Variants in GATAD2B observed in about 807,000 individuals in gnomAD.
GATAD2B encodes the protein transcriptional repressor p66-beta.
GATAD2B carries 8 observed loss-of-function variants against 64.3 expected under a neutral mutation model. The observed-to-expected ratio is 0.12, with a 90% CI of 0.07 to 0.22. The LOEUF (loss-of-function observed/expected upper bound fraction) is 0.22. GATAD2B is among the 10% of genes least tolerant of loss of function. The probability of loss-of-function intolerance (pLI) is 1.00; values close to 1 mark genes in which losing one functional copy is unlikely to be tolerated. For synonymous variants in GATAD2B, 281 were observed against 271.3 expected (o/e 1.04, Z -0.35); for missense variants, 453 against 752.0 (o/e 0.60, Z 4.65).
At chr1:153,901,558 C>T (rs1321556644) in intron 1 of GATAD2B, among the ~76,000 whole-genome samples, 1 of 152,008 alleles carries the variant, frequency 6.6e-6, no homozygotes, top group Non-Finnish European at 1.5e-5. Context: ...CGCCCGATGG[C>T]TCACACCTGT....
At chr1:153,896,730 C>T (rs955448992) in intron 1 of GATAD2B, among the ~76,000 whole-genome samples, 3 of 152,034 alleles carry the variant, frequency 2.0e-5, no homozygotes, top group African/African-American at 4.8e-5. Flanking sequence ...GTCACTGTGC[C>T]CAACCATGAA....
At chr1:153,813,211 AACTGGGAC>A in intron 8 of GATAD2B, 31 bp downstream of exon 8, 1 of 1,560,306 alleles carries the variant, frequency 6.4e-7, no homozygotes, top group Non-Finnish European at 8.8e-7. Flanking sequence ...GGAAAAAACA[AACTGGGAC>A]AGGTGGCCAG....
chr1:153,892,182 A>AG (rs1557825561), intron 1 of GATAD2B, among the ~76,000 whole-genome samples: 6 of 151,144 alleles, frequency 4.0e-5, no homozygotes, highest in Non-Finnish European at 7.4e-5. Context: ...AAAAAAAAAA[A>AG]AAAGAAAAGA....
intron 1 of GATAD2B, among the ~76,000 whole-genome samples, chr1:153,901,500 G>T (rs1253856087): frequency 6.6e-6 from 1 of 152,114 alleles, no homozygotes; most frequent in East Asian, 1.9e-4. Flanking sequence ...ATACTTCCAT[G>T]AAAGTTAACT....
chr1:153,833,470 C>T (rs559175658), intron 1 of GATAD2B, among the ~76,000 whole-genome samples: 4 of 152,256 alleles, frequency 2.6e-5, no homozygotes, highest in South Asian at 4.1e-4. Flanking sequence ...CTAACACATC[C>T]ACTCTACAGA....
At chr1:153,854,900 C>T (rs994290754) in intron 1 of GATAD2B, among the ~76,000 whole-genome samples, 1 of 152,118 alleles carries the variant, frequency 6.6e-6, no homozygotes, top group Non-Finnish European at 1.5e-5. Context: ...TCTGACAAAT[C>T]TACAATGTGG....
At chr1:153,829,182 C>T (rs773444000) in intron 1 of GATAD2B, among the ~76,000 whole-genome samples, 68 of 151,938 alleles carry the variant, frequency 4.5e-4, no homozygotes, top group Middle Eastern at 6.8e-3. Flanking sequence ...CCAGCTAGGG[C>T]GATACAGCGA....
In GATAD2B at chr1:153,900,898, AT is replaced by A. The variant is rs879709381; in HGVS notation, c.-2+21834del. Among the ~76,000 whole-genome samples the A allele has an allele frequency of 7.2e-4, 109 of 152,120 alleles. 1 individual carries two copies. The highest frequency in any genetic ancestry group is 3.4e-3 in the Middle Eastern group (1 of 292). ...TCACATGTCACAAAATAATCTCTTGATTTTTTTTCAATCATTTAAAAATCAT... is the reference window on the plus strand; with the variant it reads ...TCACATGTCACAAAATAATCTCTTGATTTTTTTCAATCATTTAAAAATCAT... On this transcript the variant is annotated intron_variant, in intron 1 of 10. Coordinates refer to ENST00000368655, the MANE Select transcript of GATAD2B (RefSeq NM_020699.4).
intron 4 of GATAD2B, 73 bp downstream of exon 4, chr1:153,818,718 T>C: frequency 1.4e-6 from 2 of 1,414,734 alleles, no homozygotes; most frequent in South Asian, 1.2e-5. Context: ...CAACTGAACC[T>C]ACCTGGGGGA....
At chr1:153,813,146 TG>T in intron 8 of GATAD2B, 103 bp downstream of exon 8, 1 of 798,940 alleles carries the variant, frequency 1.3e-6, no homozygotes, top group Non-Finnish European at 2.2e-6. Flanking sequence ...AGGGAACCTG[TG>T]GACCTGTAGG....
At chr1:153,882,413 ATT>A (rs1326758689) in intron 1 of GATAD2B, among the ~76,000 whole-genome samples, 1 of 152,052 alleles carries the variant, frequency 6.6e-6, no homozygotes, top group African/African-American at 2.4e-5. Flanking sequence ...GTATTCACTA[ATT>A]TTTCTTTTTT....
chr1:153,857,999 G>C (rs754270116), intron 1 of GATAD2B, among the ~76,000 whole-genome samples: 26 of 152,156 alleles, frequency 1.7e-4, no homozygotes, highest in African/African-American at 6.0e-4. Context: ...GGATAATATA[G>C]TAACTGGAGA....
chr1:153,878,169 T>A (rs1447234935), intron 1 of GATAD2B, among the ~76,000 whole-genome samples: 1 of 151,970 alleles, frequency 6.6e-6, no homozygotes, highest in Non-Finnish European at 1.5e-5. Flanking sequence ...AATCTTTTTT[T>A]TTTTTTCTTT....
intron 1 of GATAD2B, among the ~76,000 whole-genome samples, chr1:153,836,728 G>A (rs906445535): frequency 1.3e-5 from 2 of 152,064 alleles, no homozygotes; most frequent in African/African-American, 4.8e-5. Context: ...ATATACTACA[G>A]TATTCTAAGT....
At chr1:153,895,574 C>T (rs1364794547) in intron 1 of GATAD2B, among the ~76,000 whole-genome samples, 1 of 149,190 alleles carries the variant, frequency 6.7e-6, no homozygotes, top group Non-Finnish European at 1.5e-5. Flanking sequence ...AGTGAGACCC[C>T]GTCTCCCACA....
At chr1:153,829,399 C>T (rs533577369) in intron 1 of GATAD2B, among the ~76,000 whole-genome samples, 3 of 152,284 alleles carry the variant, frequency 2.0e-5, no homozygotes, top group South Asian at 4.1e-4. Context: ...ATTTTACCTT[C>T]CCAAGTTTCA....
chr1:153,852,519 G>GT (rs1360065714), intron 1 of GATAD2B: 1 of 765,424 alleles, frequency 1.3e-6, no homozygotes, highest in African/African-American at 1.7e-5. Flanking sequence ...GGACTCATCA[G>GT]TATCATCGTA....
At chr1:153,856,766 A>C (rs577744199) in intron 1 of GATAD2B, among the ~76,000 whole-genome samples, 1 of 152,076 alleles carries the variant, frequency 6.6e-6, no homozygotes, top group Non-Finnish European at 1.5e-5. Flanking sequence ...CTAACCAAAA[A>C]AAAGAAAGAA....
chr1:153,898,000 A>C (rs555892873), intron 1 of GATAD2B, among the ~76,000 whole-genome samples: 35 of 137,868 alleles, frequency 2.5e-4, no homozygotes, highest in Middle Eastern at 3.9e-3. Context: ...CAGAAAAAAA[A>C]AAACAAAAAA....
Sources: allele counts gnomAD v4.1 joint callset (sites outside exome capture counted in the v4.1 genomes callset), GRCh38; gene constraint gnomAD v4.1.1; transcripts MANE v1.5; gene names NCBI Gene and HGNC (gene_info 2026-07-23, HGNC 2026-07-21).